The following LRP1B variants were observed in gnomAD, a reference collection of about 807,000 sequenced individuals.
LRP1B encodes LDL receptor related protein 1B, also known as low-density lipoprotein receptor-related protein 1B.
A neutral mutation model predicts 556.6 loss-of-function variants in LRP1B; 217 were observed. The ratio of observed to expected loss-of-function variants is 0.39; its 90% CI spans 0.35 to 0.44. LRP1B has a LOEUF of 0.44. LRP1B is among the 20% of genes least tolerant of loss of function. The pLI, the probability that LRP1B is intolerant of heterozygous loss-of-function variation, is 1.00. For missense variants in LRP1B, 5,053 were observed against 5,620.8 expected, an observed-to-expected ratio of 0.90 and a Z score of 3.23; for synonymous variants, 2,047 against 1,865.8, an observed-to-expected ratio of 1.10 and a Z score of -2.50.
chr2:141,617,660 A>G (rs1376128375), intron 2 of LRP1B, among the ~76,000 whole-genome samples: 1 of 152,200 alleles, frequency 6.6e-6, no homozygotes, highest in African/African-American at 2.4e-5. Context: ...TAAGTGTTCA[A>G]AGCAAATCTT....
intron 84 of LRP1B, among the ~76,000 whole-genome samples, chr2:140,276,921 G>A (rs902204534): frequency 1.3e-5 from 2 of 151,862 alleles, no homozygotes; most frequent in African/African-American, 4.8e-5. Flanking sequence ...ATGGGAACTA[G>A]AAAATGTAAG....
rs114000686 is a variant in LRP1B, at chr2:140,991,759, G to A, written c.2645-2102C>T. On this transcript the variant is annotated intron_variant, in intron 16 of 90. Coordinates refer to ENST00000389484, the MANE Select transcript of LRP1B (RefSeq NM_018557.3). ...AAAAAGATTTTCCTAAGAAGGTAATGGTAAGCTATGTTGAATTCCTTAGAC... is the reference window on the plus strand; with the variant it reads ...AAAAAGATTTTCCTAAGAAGGTAATAGTAAGCTATGTTGAATTCCTTAGAC... 2.5e-3 allele frequency among the ~76,000 whole-genome samples: 387 copies of A among 152,198 alleles called. 1 individual carries two copies. The highest frequency in any genetic ancestry group is 9.0e-3 in the African/African-American group (372 of 41,548).
chr2:140,539,914 T>C (rs1354823946), intron 45 of LRP1B, among the ~76,000 whole-genome samples: 1 of 152,170 alleles, frequency 6.6e-6, no homozygotes, highest in Non-Finnish European at 1.5e-5. Flanking sequence ...AAATCAACTT[T>C]TACTTTTTTT....
intron 39 of LRP1B, 116 bp downstream of exon 39, chr2:140,702,025 G>A: frequency 7.4e-7 from 1 of 1,347,758 alleles, no homozygotes. Context: ...GGAAATTACT[G>A]GCTTTGTGAG....
chr2:141,668,978 A>G (rs939695321), intron 2 of LRP1B, among the ~76,000 whole-genome samples: 2 of 152,180 alleles, frequency 1.3e-5, no homozygotes, highest in African/African-American at 4.8e-5. Flanking sequence ...GCACGTCACA[A>G]TACCCTTGTG....
At chr2:140,439,106 A>T (rs1433408433) in intron 66 of LRP1B, among the ~76,000 whole-genome samples, 1 of 152,356 alleles carries the variant, frequency 6.6e-6, no homozygotes, top group African/African-American at 2.4e-5. Context: ...ATGTGAATCT[A>T]GCACAGTCTG....
At chr2:140,307,321 C>T (rs1558788211) in intron 83 of LRP1B, among the ~76,000 whole-genome samples, 3 of 151,840 alleles carry the variant, frequency 2.0e-5, no homozygotes, top group Admixed American at 6.6e-5. Flanking sequence ...ATAGCCAGTC[C>T]ACAGTAACTG....
In LRP1B at chr2:140,716,099, T is replaced by C. The variant is rs1687200085; in HGVS notation, c.5897A>G (p.Asn1966Ser). 1 of 1,590,490 alleles carries C rather than the reference T, an allele frequency of 6.3e-7. No individual in the cohort carries two copies. Among genetic ancestry groups the C allele is most frequent in the African/African-American group, 1.3e-5 (1 of 74,244 alleles). Residue 1966 changes from asparagine (N) to serine (S), a missense_variant, in exon 37 of 91, where the codon AAC becomes AGC. Transcript: ENST00000389484. Reference sequence around the variant, plus strand: ...GAAACCATGATCTGTCCAATATATGTTACCTAGGAGAAATAATAGAGGTGT... The same window carrying C: ...GAAACCATGATCTGTCCAATATATGCTACCTAGGAGAAATAATAGAGGTGT... ...EGIAVDWIAG[N>S]IYWTDHGFNL...
chr2:140,720,753 G>A (rs1687372927), intron 35 of LRP1B, among the ~76,000 whole-genome samples: 1 of 151,896 alleles, frequency 6.6e-6, no homozygotes, highest in Admixed American at 6.6e-5. Flanking sequence ...CGTTATTATG[G>A]GCTTTTAGGT....
At chr2:140,372,985 A>T (rs772083381) in intron 69 of LRP1B, 23 bp downstream of exon 69, 2 of 1,611,234 alleles carry the variant, frequency 1.2e-6, no homozygotes, top group Admixed American at 3.3e-5. Flanking sequence ...TAACTAAATG[A>T]TATATTACTT....
chr2:140,701,296 G>A (rs963025713), intron 40 of LRP1B, among the ~76,000 whole-genome samples: 1 of 151,968 alleles, frequency 6.6e-6, no homozygotes, highest in Admixed American at 6.6e-5. Context: ...AATGACTTTG[G>A]AAATATTTTA....
At chr2:141,123,255 T>TC (rs1558876214) in intron 7 of LRP1B, among the ~76,000 whole-genome samples, 35 of 145,656 alleles carry the variant, frequency 2.4e-4, no homozygotes, top group South Asian at 6.5e-4. Flanking sequence ...AAAAAATAAA[T>TC]AAATAAATAA....
intron 1 of LRP1B, among the ~76,000 whole-genome samples, chr2:141,873,914 T>G (rs10168519): frequency 6.6e-6 from 1 of 151,470 alleles, no homozygotes; most frequent in Non-Finnish European, 1.5e-5. Flanking sequence ...TTTTCACGAC[T>G]AGAACACTCT....
At chr2:140,954,872 T>C (rs762087147) in intron 18 of LRP1B, among the ~76,000 whole-genome samples, 3 of 152,020 alleles carry the variant, frequency 2.0e-5, no homozygotes, top group Non-Finnish European at 4.4e-5. Flanking sequence ...GGAGAAAAAT[T>C]ACTGTAGAGA....
intron 1 of LRP1B, among the ~76,000 whole-genome samples, chr2:141,964,416 A>C (rs1192952970): frequency 1.4e-5 from 2 of 147,766 alleles, no homozygotes; most frequent in East Asian, 2.1e-4. Flanking sequence ...AATGGAACAG[A>C]ACAGAGCCCT....
In LRP1B at chr2:140,475,306, G is replaced by A. The variant is rs777272692; in HGVS notation, c.9457C>T (p.Pro3153Ser). Reference sequence around the variant, plus strand: ...TCCATTCCAACACGGCCAATATGAGGATACTCGCAGCAGTCAATCCAATAC... The same window carrying A: ...TCCATTCCAACACGGCCAATATGAGAATACTCGCAGCAGTCAATCCAATAC... ...YLYWIDCCEYPHIGRVGMDGT... is the reference protein window; with the variant it reads ...YLYWIDCCEYSHIGRVGMDGT... The change falls in exon 60 of 91, where the codon CCT becomes TCT. Residue 3153 changes from proline (P) to serine (S), a missense_variant. This residue lies in a region of LRP1B where 3,619 missense variants were observed against 3,931.9 expected (regional missense o/e 0.92). Coordinates refer to ENST00000389484, the MANE Select transcript of LRP1B (RefSeq NM_018557.3). 6.2e-7 allele frequency: 1 copy of A among 1,607,048 alleles called. No homozygotes were observed. Among genetic ancestry groups the A allele is most frequent in the East Asian group, 2.2e-5 (1 of 44,580 alleles).
chr2:141,718,939 T>C (rs1692718626), intron 2 of LRP1B, among the ~76,000 whole-genome samples: 1 of 151,460 alleles, frequency 6.6e-6, no homozygotes, highest in African/African-American at 2.4e-5. Context: ...ATTTCTATTA[T>C]AATGAAAATT....
At chr2:140,430,063 C>T (rs565099332) in intron 66 of LRP1B, among the ~76,000 whole-genome samples, 1 of 152,224 alleles carries the variant, frequency 6.6e-6, no homozygotes, top group African/African-American at 2.4e-5. Flanking sequence ...CTGAAATTCA[C>T]TCCATTTCCC....
intron 2 of LRP1B, among the ~76,000 whole-genome samples, chr2:141,680,306 A>AT (rs1691057323): frequency 6.6e-6 from 1 of 152,106 alleles, no homozygotes; most frequent in African/African-American, 2.4e-5. Flanking sequence ...TCATTGCTTT[A>AT]TTTTTTATTA....
Sources: allele counts gnomAD v4.1 joint callset (sites outside exome capture counted in the v4.1 genomes callset), GRCh38; gene constraint gnomAD v4.1.1; regional missense constraint gnomAD v4.1.1; transcripts MANE v1.5; gene names NCBI Gene and HGNC (gene_info 2026-07-23, HGNC 2026-07-21).